MFHAS1: variants seen among roughly 807,000 people sequenced by gnomAD.
MFHAS1 encodes the protein multifunctional ROCO family signaling regulator 1.
In MFHAS1, 50 loss-of-function variants were observed where a neutral mutation model predicts 70.4. The observed-to-expected ratio is 0.71, with a 90% CI of 0.57 to 0.90. The LOEUF (loss-of-function observed/expected upper bound fraction) is 0.90, where lower values mean the gene tolerates loss of function less well. MFHAS1 is among the 40% of genes least tolerant of loss of function. MFHAS1 has a pLI of 0.00. For missense variants in MFHAS1, 1,795 were observed against 1,347.6 expected (o/e 1.33, Z -5.20); for synonymous variants, 952 against 620.0 (o/e 1.54, Z -7.96).
At chr8:8,871,724 G>C (rs1809082079) in intron 1 of MFHAS1, among the ~76,000 whole-genome samples, 1 of 152,206 alleles carries the variant, frequency 6.6e-6, no homozygotes, top group Non-Finnish European at 1.5e-5. Flanking sequence ...CAGAGGTCCA[G>C]GCCCCCGACT....
At chr8:8,807,548 T>C (rs1333476195) in intron 1 of MFHAS1, among the ~76,000 whole-genome samples, 2 of 152,214 alleles carry the variant, frequency 1.3e-5, no homozygotes, top group African/African-American at 2.4e-5. Flanking sequence ...CTTATTCTTA[T>C]TAATTTGCCT....
intron 2 of MFHAS1, among the ~76,000 whole-genome samples, chr8:8,794,931 C>T (rs369908801): frequency 6.6e-6 from 1 of 152,114 alleles, no homozygotes; most frequent in East Asian, 1.9e-4. Flanking sequence ...TTGGTATAAA[C>T]GTGGTCTTTC....
At chr8:8,884,083 A>G (rs112756283) in intron 1 of MFHAS1, among the ~76,000 whole-genome samples, 1 of 109,732 alleles carries the variant, frequency 9.1e-6, no homozygotes, top group Non-Finnish European at 2.0e-5. Flanking sequence ...CACACACACA[A>G]AAAGAAAAAA....
rs906473732 is a variant in MFHAS1 at position 8,852,606 on chromosome 8, G to C, written c.2998+37455C>G. ...ATTTTATTTCTTTGCAAAATAATTG[G>C]TTCTGTGGACACCATCGCCCTTCAT... is the stretch of plus-strand genomic sequence containing the variant. On this transcript the variant is annotated intron_variant, in intron 1 of 2. Coordinates refer to ENST00000276282, the MANE Select transcript of MFHAS1 (RefSeq NM_004225.3). Among the ~76,000 whole-genome samples, 9 of 152,174 alleles carry C rather than the reference G, an allele frequency of 5.9e-5. 1 individual carries two copies. Among genetic ancestry groups the C allele is most frequent in the Admixed American group, 3.9e-4 (6 of 15,278 alleles).
chr8:8,893,552 T>G lies in MFHAS1; in HGVS notation c.-494A>C, dbSNP rs900036834. On this transcript the variant is annotated 5_prime_UTR_variant, in exon 1 of 3. Coordinates refer to ENST00000276282, the MANE Select transcript of MFHAS1 (RefSeq NM_004225.3). ...GCGGGGAGGGGGCGGCGGCGCCTCCTTGTCTCCGTTTCCCCGGGCTCGGGC... is the reference window on the plus strand; with the variant it reads ...GCGGGGAGGGGGCGGCGGCGCCTCCGTGTCTCCGTTTCCCCGGGCTCGGGC... 6.9e-6 allele frequency: 1 copy of G among 145,772 alleles called. No individual in the cohort carries two copies. Among genetic ancestry groups the G allele is most frequent in the African/African-American group, 2.5e-5 (1 of 40,596 alleles). The allele number at this position is 145,772 out of a possible 1,614,324, so 9.0% of individuals were successfully genotyped here. A position where few individuals can be genotyped will look rare whatever the true frequency, so the allele number is the denominator to read the frequency against.
intron 1 of MFHAS1, among the ~76,000 whole-genome samples, chr8:8,837,959 A>G (rs1414997488): frequency 6.6e-6 from 1 of 152,244 alleles, no homozygotes; most frequent in African/African-American, 2.4e-5. Flanking sequence ...TGACATGTCC[A>G]GCACACAAAG....
chr8:8,882,286 AG>A (rs1248019656), intron 1 of MFHAS1, among the ~76,000 whole-genome samples: 2 of 152,160 alleles, frequency 1.3e-5, no homozygotes, highest in Non-Finnish European at 2.9e-5. Context: ...GCTACGTGGG[AG>A]GCTGGGGCAG....
At chr8:8,810,888 A>G (rs1253919564) in intron 1 of MFHAS1, among the ~76,000 whole-genome samples, 1 of 152,090 alleles carries the variant, frequency 6.6e-6, no homozygotes, top group Non-Finnish European at 1.5e-5. Flanking sequence ...AGGAAGGAGA[A>G]GGAGTGAAGG....
intron 1 of MFHAS1, among the ~76,000 whole-genome samples, chr8:8,797,859 C>G (rs1805963250): frequency 6.6e-6 from 1 of 152,102 alleles, no homozygotes; most frequent in Non-Finnish European, 1.5e-5. Flanking sequence ...CAAGGGCTGC[C>G]AAGGAGGTGT....
chr8:8,808,848 G>C (rs550488877), intron 1 of MFHAS1, among the ~76,000 whole-genome samples: 2 of 152,186 alleles, frequency 1.3e-5, no homozygotes, highest in Non-Finnish European at 2.9e-5. Flanking sequence ...ATAAGGGTTG[G>C]AGGAATGACT....
chr8:8,888,273 A>T (rs35736441), intron 1 of MFHAS1, among the ~76,000 whole-genome samples: 16,740 of 152,190 alleles, frequency 0.11, 1,018 homozygotes, highest in Middle Eastern at 0.2. Flanking sequence ...GAAAGATGTC[A>T]CCTTCGGAAA....
chr8:8,866,272 C>T (rs748619885), intron 1 of MFHAS1, among the ~76,000 whole-genome samples: 5 of 151,524 alleles, frequency 3.3e-5, no homozygotes, highest in Non-Finnish European at 4.4e-5. Context: ...GAATGGGAAC[C>T]TAGAACAGGG....
intron 1 of MFHAS1, among the ~76,000 whole-genome samples, chr8:8,865,210 G>A (rs902664483): frequency 2.7e-5 from 4 of 147,060 alleles, no homozygotes; most frequent in Non-Finnish European, 5.9e-5. Context: ...CCAGGAGCTG[G>A]AGGTTGCAGT....
Position 8,886,233 on chromosome 8 carries a change from A to G in MFHAS1, c.2998+3828T>C, listed in dbSNP as rs181547449. ...AGGGTCAGAGTGCAATGGCACAATC[A>G]TAGTTCACTGCAACCTCAAACTCCC... On this transcript the variant is annotated intron_variant, in intron 1 of 2. Coordinates refer to ENST00000276282, the MANE Select transcript of MFHAS1 (RefSeq NM_004225.3). Among the ~76,000 whole-genome samples, 11 of 151,746 alleles carry G rather than the reference A, an allele frequency of 7.2e-5. No individual in the cohort carries two copies. The East Asian group carries it at 9.7e-4, about 13-fold the overall frequency.
intron 1 of MFHAS1, among the ~76,000 whole-genome samples, chr8:8,843,275 C>CAAAAA (rs565954183): frequency 2.4e-5 from 3 of 123,702 alleles, no homozygotes; most frequent in Non-Finnish European, 1.7e-5. Flanking sequence ...GACTCCGTCT[C>CAAAAA]AAAAAAAAAA....
intron 1 of MFHAS1, among the ~76,000 whole-genome samples, chr8:8,801,320 G>C (rs1168190683): frequency 6.6e-6 from 1 of 152,232 alleles, no homozygotes; most frequent in African/African-American, 2.4e-5. Flanking sequence ...CCAGGTAACT[G>C]GTTTTGTTTG....
intron 1 of MFHAS1, among the ~76,000 whole-genome samples, chr8:8,798,190 C>G (rs1475664492): frequency 6.6e-6 from 1 of 152,240 alleles, no homozygotes; most frequent in Non-Finnish European, 1.5e-5. Context: ...TCTCTAAAAG[C>G]AGTGATGACT....
At chr8:8,797,299 T>C (rs1183326245) in intron 2 of MFHAS1, 66 bp downstream of exon 2, 4 of 1,568,832 alleles carry the variant, frequency 2.5e-6, no homozygotes, top group South Asian at 1.1e-5. Context: ...TGGATTTTTG[T>C]GGTCATATCT....
chr8:8,842,459 T>C (rs532793338), intron 1 of MFHAS1, among the ~76,000 whole-genome samples: 1 of 152,276 alleles, frequency 6.6e-6, no homozygotes, highest in East Asian at 1.9e-4. Context: ...GTGCTGGGAT[T>C]GTAATAGGCG....
Sources: gnomAD v4.1 joint callset for allele counts (sites outside exome capture counted in the v4.1 genomes callset) on GRCh38, gnomAD v4.1.1 for gene constraint, MANE v1.5 for transcripts, NCBI Gene and HGNC (gene_info 2026-07-23, HGNC 2026-07-21) for gene names.